LPP: variants seen among roughly 807,000 people sequenced by gnomAD.
LPP encodes the protein LIM domain containing preferred translocation partner in lipoma, also known as lipoma-preferred partner.
LPP carries 38 observed loss-of-function variants against 60.4 expected under a neutral mutation model. That is an observed-to-expected ratio of 0.63 (90% CI 0.49 to 0.83). The LOEUF is 0.83. LPP is among the 40% of genes least tolerant of loss of function. The probability of loss-of-function intolerance (pLI) is 0.00; values close to 1 mark genes in which losing one functional copy is unlikely to be tolerated. For synonymous variants in LPP, 328 were observed against 290.8 expected, an observed-to-expected ratio of 1.13 and a Z score of -1.30; for missense variants, 902 against 783.6, an observed-to-expected ratio of 1.15 and a Z score of -1.80.
intron 4 of LPP, among the ~76,000 whole-genome samples, chr3:188,423,797 A>G (rs1401257066): frequency 3.3e-5 from 5 of 149,884 alleles, no homozygotes; most frequent in Non-Finnish European, 7.4e-5. Context: ...TTTTGATGGC[A>G]TTGTTTGTTT....
At chr3:188,422,490 T>C (rs1054712566) in intron 4 of LPP, among the ~76,000 whole-genome samples, 14 of 152,178 alleles carry the variant, frequency 9.2e-5, no homozygotes, top group Non-Finnish European at 4.4e-5. Context: ...TTCTAGGCTG[T>C]CTTTCCTGCC....
At chr3:188,396,477 T>A (rs1780980341) in intron 3 of LPP, among the ~76,000 whole-genome samples, 1 of 152,202 alleles carries the variant, frequency 6.6e-6, no homozygotes, top group Non-Finnish European at 1.5e-5. Flanking sequence ...TTGAACAAGC[T>A]GTCAGGGAAA....
intron 9 of LPP, among the ~76,000 whole-genome samples, chr3:188,789,927 T>G (rs770176967): frequency 6.6e-6 from 1 of 152,200 alleles, no homozygotes; most frequent in Non-Finnish European, 1.5e-5. Context: ...TTGGCAAAAG[T>G]ATGGGAAGCA....
intron 9 of LPP, among the ~76,000 whole-genome samples, chr3:188,841,037 A>G (rs535374475): frequency 4.1e-4 from 63 of 152,288 alleles, no homozygotes; most frequent in Non-Finnish European, 8.2e-4. Flanking sequence ...TATGTGGGCC[A>G]TCAGACTGTC....
At chr3:188,173,727 A>G (rs1722287676) in intron 1 of LPP, among the ~76,000 whole-genome samples, 2 of 152,252 alleles carry the variant, frequency 1.3e-5, no homozygotes, top group African/African-American at 4.8e-5. Flanking sequence ...CTTAAAAGTC[A>G]CTGCATTGAG....
chr3:188,374,918 C>T (rs924682309), intron 3 of LPP, among the ~76,000 whole-genome samples: 11 of 151,644 alleles, frequency 7.3e-5, no homozygotes, highest in Non-Finnish European at 1.5e-4. Context: ...TAGCATGAAG[C>T]GTTGTTGAAT....
intron 2 of LPP, among the ~76,000 whole-genome samples, chr3:188,316,424 A>C (rs771866957): frequency 6.6e-6 from 1 of 152,108 alleles, no homozygotes; most frequent in Non-Finnish European, 1.5e-5. Context: ...TGGGTGACTG[A>C]CCAAGACCCT....
intron 9 of LPP, among the ~76,000 whole-genome samples, chr3:188,864,795 T>C (rs1766179037): frequency 6.6e-6 from 1 of 152,252 alleles, no homozygotes; most frequent in Admixed American, 6.5e-5. Context: ...TCTTTTTACA[T>C]TGTGAAGCCA....
intron 4 of LPP, among the ~76,000 whole-genome samples, chr3:188,441,790 T>C (rs1166560929): frequency 1.3e-5 from 2 of 151,162 alleles, no homozygotes; most frequent in Admixed American, 6.6e-5. Context: ...CCGGCTAATT[T>C]TGTTTTTGTA....
At chr3:188,468,318 T>C (rs1427456096) in intron 4 of LPP, among the ~76,000 whole-genome samples, 2 of 152,198 alleles carry the variant, frequency 1.3e-5, no homozygotes, top group Admixed American at 6.5e-5. Context: ...TTAGGTTTTA[T>C]AGGCCATATG....
chr3:188,560,020 A>G (rs1209745713), intron 6 of LPP, among the ~76,000 whole-genome samples: 4 of 152,098 alleles, frequency 2.6e-5, no homozygotes, highest in African/African-American at 7.2e-5. Context: ...TGGGGCCTCA[A>G]TTCTGGTTCC....
intron 6 of LPP, among the ~76,000 whole-genome samples, chr3:188,579,386 T>A (rs1580129122): frequency 6.6e-6 from 1 of 152,226 alleles, no homozygotes; most frequent in East Asian, 1.9e-4. Flanking sequence ...AAAAGTAATG[T>A]GTCCTCTTTG....
At chr3:188,680,601 T>A (rs1859268659) in intron 7 of LPP, among the ~76,000 whole-genome samples, 1 of 152,172 alleles carries the variant, frequency 6.6e-6, no homozygotes, top group Non-Finnish European at 1.5e-5. Flanking sequence ...AGTGATGCAT[T>A]CAGACAGCAA....
At chr3:188,450,101 C>T (rs551486875) in intron 4 of LPP, among the ~76,000 whole-genome samples, 38 of 152,130 alleles carry the variant, frequency 2.5e-4, no homozygotes, top group Admixed American at 8.5e-4. Flanking sequence ...CCACGCCCAA[C>T]CTGTATTATG....
At chr3:188,209,565 C>G (rs1055046871) in intron 1 of LPP, among the ~76,000 whole-genome samples, 1 of 152,148 alleles carries the variant, frequency 6.6e-6, no homozygotes, top group African/African-American at 2.4e-5. Flanking sequence ...ACCCTCTTTT[C>G]CTACAGAGCT....
At chr3:188,302,695 C>T (rs1304479521) in intron 2 of LPP, among the ~76,000 whole-genome samples, 1 of 152,194 alleles carries the variant, frequency 6.6e-6, no homozygotes, top group East Asian at 1.9e-4. Flanking sequence ...GCAGTAACTC[C>T]CTTCAAACTT....
intron 1 of LPP, among the ~76,000 whole-genome samples, chr3:188,203,502 AAT>A (rs1302582720): frequency 1.9e-4 from 12 of 61,990 alleles, no homozygotes; most frequent in African/African-American, 4.1e-4. Flanking sequence ...AATATATATA[AAT>A]ATATATATTT....
intron 1 of LPP, among the ~76,000 whole-genome samples, chr3:188,167,590 GTT>G (rs35903893): frequency 7.2e-6 from 1 of 139,114 alleles, no homozygotes. Flanking sequence ...TGTGTGTGTT[GTT>G]TTTTTTTTTT....
intron 2 of LPP, among the ~76,000 whole-genome samples, chr3:188,334,390 A>C (rs1328136965): frequency 1.4e-5 from 2 of 147,400 alleles, no homozygotes; most frequent in Middle Eastern, 3.2e-3. Flanking sequence ...TATGACCAGC[A>C]GTGGGATTGC....
Sources: gnomAD v4.1 joint callset for allele counts (sites outside exome capture counted in the v4.1 genomes callset) on GRCh38, gnomAD v4.1.1 for gene constraint, MANE v1.5 for transcripts, NCBI Gene and HGNC (gene_info 2026-07-23, HGNC 2026-07-21) for gene names.